GAREM1: variants seen among roughly 807,000 people sequenced by gnomAD.
GAREM1 encodes GRB2 associated regulator of MAPK1 subtype 1.
Under a neutral mutation model 71.3 loss-of-function variants are expected in GAREM1, and 26 were observed. The observed-to-expected ratio is 0.36, with a 90% CI of 0.27 to 0.51. GAREM1 has a LOEUF of 0.51. Among genes scored for constraint, GAREM1 ranks in the 20% least tolerant of loss-of-function variants. The pLI, the probability that GAREM1 is intolerant of heterozygous loss-of-function variation, is 0.95. For synonymous variants in GAREM1, 440 were observed against 433.2 expected (o/e 1.02, Z -0.20); for missense variants, 1,026 against 1,103.1 (o/e 0.93, Z 0.99).
chr18:32,293,317 G>T (rs1226799739), intron 3 of GAREM1, among the ~76,000 whole-genome samples: 4 of 152,100 alleles, frequency 2.6e-5, no homozygotes, highest in Non-Finnish European at 4.4e-5. Flanking sequence ...GGAACATTTT[G>T]TCATGCCAGA....
Position 32,419,094 on chromosome 18 carries a change from A to G in GAREM1, c.122-26059T>C, listed in dbSNP as rs114146632. ...TGAAGTCCCTGTCCTTTTGCTGGGTATTCACTGGAAACTGCTCTTGATTCC... is the reference window on the plus strand; with the variant it reads ...TGAAGTCCCTGTCCTTTTGCTGGGTGTTCACTGGAAACTGCTCTTGATTCC... On this transcript the variant is annotated intron_variant, in intron 1 of 5. Transcript: ENST00000269209. Among the ~76,000 whole-genome samples, 861 of 152,232 alleles carry G rather than the reference A, an allele frequency of 5.7e-3. 10 individuals are homozygous for G. The highest frequency in any genetic ancestry group is 0.019 in the African/African-American group (807 of 41,514).
At chr18:32,364,037 T>G (rs1178019120) in intron 2 of GAREM1, among the ~76,000 whole-genome samples, 4 of 96,786 alleles carry the variant, frequency 4.1e-5, no homozygotes, top group Non-Finnish European at 8.6e-5. Flanking sequence ...TGTTTTTTTT[T>G]TTTTTTTTTT....
chr18:32,316,220 G>A lies in GAREM1; in HGVS notation c.263-5897C>T, dbSNP rs545816809. Among the ~76,000 whole-genome samples the A allele has an allele frequency of 3.9e-5, 6 of 152,218 alleles. No homozygotes were observed. In the South Asian group the frequency reaches 1.0e-3, roughly 26 times the overall value. ...GGAAAAAAACTAACAGCTAAATATGGCCAAATGCTACAACTGTTAACATTT... is the reference window on the plus strand; with the variant it reads ...GGAAAAAAACTAACAGCTAAATATGACCAAATGCTACAACTGTTAACATTT... On this transcript the variant is annotated intron_variant, in intron 2 of 5. Transcript: ENST00000269209.
intron 1 of GAREM1, chr18:32,412,291 A>C (rs945199692): frequency 1.3e-6 from 2 of 1,589,750 alleles, no homozygotes; most frequent in African/African-American, 2.7e-5. Context: ...GGTTTTGCAA[A>C]GTACTGGCCT....
intron 2 of GAREM1, among the ~76,000 whole-genome samples, chr18:32,376,457 G>A (rs563727901): frequency 6.6e-6 from 1 of 152,316 alleles, no homozygotes; most frequent in South Asian, 2.1e-4. Flanking sequence ...ATTTTCTGGT[G>A]AGACAATCAC....
chr18:32,470,569 G>T lies in GAREM1; in HGVS notation c.-141C>A. 1 of 480,630 alleles carries T rather than the reference G, an allele frequency of 2.1e-6. No individual in the cohort carries two copies. Among genetic ancestry groups the T allele is most frequent in the Non-Finnish European group, 2.7e-6 (1 of 371,248 alleles). 29.8% of individuals were successfully genotyped at this position (480,630 alleles called of 1,614,324 possible). On this transcript the variant is annotated 5_prime_UTR_variant, in exon 1 of 6. Coordinates refer to ENST00000269209, the MANE Select transcript of GAREM1 (RefSeq NM_001242409.2). The surrounding 1 kb of genome is among the most constrained non-coding windows in gnomAD (Gnocchi z 4.4). Reference sequence around the variant, plus strand: ...GCTCCGGCCGCGGGCAGCCGGGGGGGCGCGGCGACTGGGGCGGCCCGGAGG... The same window carrying T: ...GCTCCGGCCGCGGGCAGCCGGGGGGTCGCGGCGACTGGGGCGGCCCGGAGG...
intron 2 of GAREM1, among the ~76,000 whole-genome samples, chr18:32,333,091 A>C (rs957796631): frequency 1.3e-5 from 2 of 151,800 alleles, no homozygotes; most frequent in African/African-American, 4.8e-5. Flanking sequence ...AGTTGATTAA[A>C]TAGTGAGACC....
chr18:32,377,623 G>A (rs2144635720), intron 2 of GAREM1, among the ~76,000 whole-genome samples: 1 of 152,302 alleles, frequency 6.6e-6, no homozygotes, highest in East Asian at 1.9e-4. Flanking sequence ...GAGTGCAGTG[G>A]CGCGATCTCA....
intron 2 of GAREM1, among the ~76,000 whole-genome samples, chr18:32,372,459 C>G (rs1351102830): frequency 2.0e-5 from 3 of 152,162 alleles, no homozygotes; most frequent in Non-Finnish European, 4.4e-5. Flanking sequence ...AAAAATTACC[C>G]ACTTGAAATG....
intron 2 of GAREM1, among the ~76,000 whole-genome samples, chr18:32,372,002 G>GTAAATGAGAGGTTATGAAC (rs2047984739): frequency 6.6e-6 from 1 of 152,172 alleles, no homozygotes; most frequent in East Asian, 1.9e-4. Flanking sequence ...AGGTTATGAA[G>GTAAATGAGAGGTTATGAAC]TAAATGAGAG....
intron 4 of GAREM1, among the ~76,000 whole-genome samples, chr18:32,273,508 C>A (rs183927751): frequency 5.8e-4 from 88 of 152,252 alleles, no homozygotes; most frequent in Non-Finnish European, 9.6e-4. Flanking sequence ...ACTAGGGACT[C>A]CTGAAGGGCT....
rs546640877 is a variant in GAREM1 at position 32,299,239 on chromosome 18, G to A, written c.393+10954C>T. 1.3e-3 allele frequency among the ~76,000 whole-genome samples: 202 copies of A among 152,220 alleles called. 1 individual carries two copies. Among genetic ancestry groups the A allele is most frequent in the African/African-American group, 4.2e-3 (173 of 41,532 alleles). On this transcript the variant is annotated intron_variant, in intron 3 of 5. Transcript: ENST00000269209. ...ATAAAAAGTGATTATATCTAGCCAGGAGCGGTGGCTCATGCCTGTAATCCC... is the reference window on the plus strand; with the variant it reads ...ATAAAAAGTGATTATATCTAGCCAGAAGCGGTGGCTCATGCCTGTAATCCC...
intron 3 of GAREM1, among the ~76,000 whole-genome samples, chr18:32,294,222 G>A (rs1024393180): frequency 6.6e-6 from 1 of 152,100 alleles, no homozygotes. Flanking sequence ...ATGTATTAAG[G>A]GGTAAGGGAC....
chr18:32,363,183 T>C (rs1383197369), intron 2 of GAREM1, among the ~76,000 whole-genome samples: 1 of 151,018 alleles, frequency 6.6e-6, no homozygotes, highest in East Asian at 1.9e-4. Context: ...ATGTTTCTTA[T>C]GAGAAAAAAA....
chr18:32,386,132 A>T (rs1030682005), intron 2 of GAREM1, among the ~76,000 whole-genome samples: 1 of 152,222 alleles, frequency 6.6e-6, no homozygotes, highest in Admixed American at 6.5e-5. Context: ...ATTTCGTCAC[A>T]TAAGCTTTAT....
rs1482326345 is a variant in GAREM1 at position 32,287,754 on chromosome 18, C to T, written c.843G>A (p.Val281=). 6.2e-7 allele frequency: 1 copy of T among 1,613,760 alleles called. No homozygotes were observed. The highest frequency in any genetic ancestry group is 8.5e-7 in the Non-Finnish European group (1 of 1,180,004). ...YKFVNIQTKT[V]VVCCVLRNNK... is the part of the protein sequence containing the mutation. ...TGTTCCGCAGCACACAGCAAACCAC[C>T]ACCGTCTTGGTCTGGATGTTCACAA... Residue 281 remains valine, a synonymous_variant, in exon 4 of 6, where the codon GTG becomes GTA. Transcript: ENST00000269209. This position sits in a 1 kb window ranked among gnomAD's most constrained non-coding sequence, Gnocchi z 5.9.
intron 2 of GAREM1, among the ~76,000 whole-genome samples, chr18:32,330,123 T>C (rs1388412080): frequency 6.6e-6 from 1 of 152,184 alleles, no homozygotes; most frequent in Non-Finnish European, 1.5e-5. Flanking sequence ...CCATCGATGA[T>C]GGACTGTATA....
chr18:32,282,109 C>G (rs978961498), intron 4 of GAREM1, among the ~76,000 whole-genome samples: 1 of 152,094 alleles, frequency 6.6e-6, no homozygotes, highest in Non-Finnish European at 1.5e-5. Context: ...TATCTCCCTT[C>G]GCTGACTCTC....
chr18:32,331,173 T>C (rs780081916), intron 2 of GAREM1, among the ~76,000 whole-genome samples: 53 of 152,184 alleles, frequency 3.5e-4, no homozygotes, highest in Non-Finnish European at 6.9e-4. Flanking sequence ...TTCAAAAACA[T>C]TTCTCCCTCA....
Sources: gnomAD v4.1 joint callset for allele counts (sites outside exome capture counted in the v4.1 genomes callset) on GRCh38, gnomAD v4.1.1 for gene constraint, Gnocchi (gnomAD v3.1) non-coding constraint, MANE v1.5 for transcripts, NCBI Gene and HGNC (gene_info 2026-07-23, HGNC 2026-07-21) for gene names.